ZC4H2: variants seen among roughly 807,000 people sequenced by gnomAD.
ZC4H2 encodes zinc finger C4H2-type containing.
For synonymous variants in ZC4H2, 84 were observed against 66.3 expected (o/e 1.27, Z -1.30); for missense variants, 137 against 173.9 (o/e 0.79, Z 1.19).
At chrX:65,015,424 C>G (rs1223804383) in intron 1 of ZC4H2, among the ~76,000 whole-genome samples, 1 of 112,268 alleles carries the variant, frequency 8.9e-6, no homozygotes, top group Admixed American at 9.4e-5. Context: ...AGATTACCTA[C>G]TATGTTCCAT....
chrX:64,963,372 G>T (rs1447577433), intron 1 of ZC4H2, among the ~76,000 whole-genome samples: 1 of 111,535 alleles, frequency 9.0e-6, no homozygotes. Flanking sequence ...TTTGCTTGTG[G>T]CAATGATTTA....
At chrX:64,974,728 T>A (rs972683263) in intron 1 of ZC4H2, among the ~76,000 whole-genome samples, 1 of 110,385 alleles carries the variant, frequency 9.1e-6, no homozygotes, top group African/African-American at 3.3e-5. Flanking sequence ...CTGGTAAGGG[T>A]AGAAGTCATG....
intron 1 of ZC4H2, among the ~76,000 whole-genome samples, chrX:64,988,101 A>G (rs1932229527): frequency 9.1e-6 from 1 of 109,988 alleles, no homozygotes; most frequent in Non-Finnish European, 1.9e-5. Context: ...TCCATGGTGC[A>G]TATGTGCCAC....
intron 1 of ZC4H2, among the ~76,000 whole-genome samples, chrX:64,993,510 G>T (rs911508385): frequency 7.2e-5 from 8 of 111,264 alleles, no homozygotes; most frequent in Non-Finnish European, 1.3e-4. Context: ...GGTTCATTCC[G>T]CCTCTGCCAT....
At chrX:64,988,070 T>C (rs1457434239) in intron 1 of ZC4H2, among the ~76,000 whole-genome samples, 1 of 109,919 alleles carries the variant, frequency 9.1e-6, no homozygotes, top group African/African-American at 3.3e-5. Flanking sequence ...GAACTCATCC[T>C]TTTTTATGGC....
At chrX:64,933,789 T>C in intron 1 of ZC4H2, among the ~76,000 whole-genome samples, 1 of 111,575 alleles carries the variant, frequency 9.0e-6, no homozygotes, top group Middle Eastern at 4.6e-3. Flanking sequence ...TATTTGTTTA[T>C]TTAATTTTCC....
intron 1 of ZC4H2, among the ~76,000 whole-genome samples, chrX:64,989,347 A>G (rs1304084942): frequency 1.8e-5 from 2 of 111,993 alleles, no homozygotes; most frequent in African/African-American, 6.5e-5. Flanking sequence ...CTTGCTATCC[A>G]TGAGCATGGA....
At chrX:64,928,213 A>C (rs1929518709) in intron 1 of ZC4H2, among the ~76,000 whole-genome samples, 1 of 112,064 alleles carries the variant, frequency 8.9e-6, no homozygotes. Flanking sequence ...TATGTCCTGA[A>C]TGGTATTGCC....
chrX:64,954,765 C>G (rs763210175), intron 1 of ZC4H2, among the ~76,000 whole-genome samples: 68 of 110,396 alleles, frequency 6.2e-4, no homozygotes, highest in African/African-American at 2.1e-3. Flanking sequence ...TATAAAACTA[C>G]TAACCCAAGT....
At chrX:64,931,943 A>G (rs1247985839) in intron 1 of ZC4H2, among the ~76,000 whole-genome samples, 1 of 111,793 alleles carries the variant, frequency 8.9e-6, no homozygotes, top group Non-Finnish European at 1.9e-5. Flanking sequence ...TAGTGCTGTA[A>G]GTATAGTATT....
chrX:65,029,194 C>T (rs1197473344), intron 1 of ZC4H2, among the ~76,000 whole-genome samples: 1 of 111,447 alleles, frequency 9.0e-6, no homozygotes, highest in African/African-American at 3.3e-5. Context: ...GAATGTATGT[C>T]TGGAATCAAG....
At chrX:65,006,180 ACT>A (rs1346529943) in intron 1 of ZC4H2, among the ~76,000 whole-genome samples, 35 of 111,762 alleles carry the variant, frequency 3.1e-4, no homozygotes, top group African/African-American at 1.1e-3. Flanking sequence ...AAGCAGAAAT[ACT>A]GTTTCACCCA....
intron 1 of ZC4H2, among the ~76,000 whole-genome samples, chrX:64,941,358 C>T (rs760806094): frequency 8.9e-6 from 1 of 112,053 alleles, no homozygotes; most frequent in East Asian, 2.8e-4. Flanking sequence ...ATTTGACTTC[C>T]TCTCTTCCTA....
chrX:64,918,843 T>A, intron 4 of ZC4H2, 199 bp downstream of exon 4: 1 of 389,057 alleles, frequency 2.6e-6, no homozygotes, highest in East Asian at 4.5e-5. Context: ...CTAACACCTC[T>A]GGGAACATGG....
chrX:64,921,428 G>C (rs1602381927), intron 2 of ZC4H2, among the ~76,000 whole-genome samples: 1 of 111,936 alleles, frequency 8.9e-6, no homozygotes, highest in Non-Finnish European at 1.9e-5. Flanking sequence ...GAAATGATTT[G>C]TTTGGTCTGA....
At chrX:65,004,837 A>C (rs1030586719) in intron 1 of ZC4H2, among the ~76,000 whole-genome samples, 4 of 111,937 alleles carry the variant, frequency 3.6e-5, no homozygotes, top group Non-Finnish European at 5.6e-5. Context: ...AAACCCCATC[A>C]TCTCAGCCCC....
At chrX:64,952,109 G>A in intron 1 of ZC4H2, among the ~76,000 whole-genome samples, 1 of 110,666 alleles carries the variant, frequency 9.0e-6, no homozygotes, top group Non-Finnish European at 1.9e-5. Context: ...TCAGATAGTT[G>A]TAGACATGTG....
At chrX:64,976,896 G>A (rs984713282), upstream of ZC4H2, among the ~76,000 whole-genome samples, 1 of 103,470 alleles carries the variant, frequency 9.7e-6, no homozygotes, top group African/African-American at 3.6e-5. Flanking sequence ...CTGCTGCCTG[G>A]GGACCAGTAA....
intron 1 of ZC4H2, among the ~76,000 whole-genome samples, chrX:64,950,577 G>C (rs1268737961): frequency 9.0e-6 from 1 of 110,858 alleles, no homozygotes; most frequent in African/African-American, 3.3e-5. Context: ...TCTTCTTGTT[G>C]AATTGATCCC....
Sources: gnomAD v4.1 joint callset for allele counts (sites outside exome capture counted in the v4.1 genomes callset) on GRCh38, gnomAD v4.1.1 for gene constraint, MANE v1.5 for transcripts, NCBI Gene and HGNC (gene_info 2026-07-23, HGNC 2026-07-21) for gene names.